The following MGMT variants were observed in gnomAD, a reference collection of about 807,000 sequenced individuals.
The protein encoded by MGMT is methylated-DNA--protein-cysteine methyltransferase.
In MGMT, 14 loss-of-function variants were observed where a neutral mutation model predicts 15.9. That is an observed-to-expected ratio of 0.88 (90% CI 0.58 to 1.37). The LOEUF (loss-of-function observed/expected upper bound fraction) is 1.37. Among genes scored for constraint, MGMT ranks in the 40% most tolerant of loss-of-function variants. MGMT has a pLI of 0.00. For synonymous variants in MGMT, 130 were observed against 118.2 expected, an observed-to-expected ratio of 1.10 and a Z score of -0.65; for missense variants, 282 against 268.1, an observed-to-expected ratio of 1.05 and a Z score of -0.36.
At chr10:129,470,305 A>G (rs865937776) in intron 1 of MGMT, among the ~76,000 whole-genome samples, 2 of 152,116 alleles carry the variant, frequency 1.3e-5, no homozygotes, top group African/African-American at 2.4e-5. Context: ...TTGTGGACCA[A>G]ATGTTGCAAG....
At chr10:129,689,610 C>A (rs1311912898) in intron 2 of MGMT, among the ~76,000 whole-genome samples, 3 of 152,208 alleles carry the variant, frequency 2.0e-5, no homozygotes, top group Non-Finnish European at 4.4e-5. Flanking sequence ...CACACCCTTT[C>A]TCTGTAGTCT....
At chr10:129,739,712 A>G (rs1231182255) in intron 3 of MGMT, among the ~76,000 whole-genome samples, 2 of 152,240 alleles carry the variant, frequency 1.3e-5, no homozygotes, top group Non-Finnish European at 2.9e-5. Flanking sequence ...CCTGCAGCCC[A>G]GGATAGCTTT....
intron 2 of MGMT, among the ~76,000 whole-genome samples, chr10:129,661,489 A>G (rs1415928229): frequency 6.6e-6 from 1 of 152,118 alleles, no homozygotes; most frequent in Non-Finnish European, 1.5e-5. Flanking sequence ...TTTGACAACT[A>G]TTGATGTTGT....
intron 2 of MGMT, among the ~76,000 whole-genome samples, chr10:129,549,915 G>A (rs1052741788): frequency 6.6e-6 from 1 of 152,120 alleles, no homozygotes; most frequent in South Asian, 2.1e-4. Context: ...AGGAGCAGAG[G>A]TATAAATTAC....
chr10:129,644,111 C>T (rs1472054855), intron 2 of MGMT, among the ~76,000 whole-genome samples: 1 of 152,194 alleles, frequency 6.6e-6, no homozygotes, highest in Non-Finnish European at 1.5e-5. Context: ...TCCTAGCAGA[C>T]ATCATTATAT....
At chr10:129,615,848 A>G (rs180807586) in intron 2 of MGMT, among the ~76,000 whole-genome samples, 2 of 152,100 alleles carry the variant, frequency 1.3e-5, no homozygotes, top group African/African-American at 4.8e-5. Flanking sequence ...GTCCAGGTAT[A>G]AGAAGAGCTG....
At chr10:129,762,859 G>A (rs899331834) in intron 4 of MGMT, among the ~76,000 whole-genome samples, 1 of 151,908 alleles carries the variant, frequency 6.6e-6, no homozygotes, top group Non-Finnish European at 1.5e-5. Flanking sequence ...CATTTGACCA[G>A]AAGAAAAAAA....
In MGMT at chr10:129,770,398, C is replaced by G. The variant is rs1848987407; in HGVS notation, c.*3401C>G. On this transcript the variant is annotated 3_prime_UTR_variant, in exon 5 of 5. Transcript: ENST00000651593. The stretch of plus-strand genomic sequence containing the variant: ...TCGCAGCAATGTGAGGCATCCTCCT[C>G]ACAGAAATGCATTTACGGATGTTGC... Among the ~76,000 whole-genome samples the G allele has an allele frequency of 6.6e-6, 1 of 152,214 alleles. No individual in the cohort carries two copies. The highest frequency in any genetic ancestry group is 1.5e-5 in the Non-Finnish European group (1 of 68,044).
chr10:129,693,302 C>T (rs1847991163), intron 2 of MGMT, among the ~76,000 whole-genome samples: 1 of 152,184 alleles, frequency 6.6e-6, no homozygotes, highest in East Asian at 1.9e-4. Context: ...AAGGTCAATG[C>T]CACTTCTGTA....
intron 1 of MGMT, among the ~76,000 whole-genome samples, chr10:129,510,950 A>G (rs1845675411): frequency 6.7e-6 from 1 of 150,050 alleles, no homozygotes; most frequent in African/African-American, 2.5e-5. Context: ...CTGGTATACC[A>G]GATGCAGCCA....
rs1236047152 is a variant in MGMT at position 129,503,312 on chromosome 10, C to T, written c.-12-32929C>T. 2.0e-5 allele frequency among the ~76,000 whole-genome samples: 3 copies of T among 152,248 alleles called. No homozygotes were observed. In the South Asian group the frequency reaches 6.2e-4, roughly 32 times the overall value. On this transcript the variant is annotated intron_variant, in intron 1 of 4. Coordinates refer to ENST00000651593, the MANE Select transcript of MGMT (RefSeq NM_002412.5). ...TCCCGAGATAAAGCTGCTGCTTTATCGAAAATGCCAGCAACTGTGATTTAG... is the reference window on the plus strand; with the variant it reads ...TCCCGAGATAAAGCTGCTGCTTTATTGAAAATGCCAGCAACTGTGATTTAG...
intron 4 of MGMT, among the ~76,000 whole-genome samples, chr10:129,760,118 G>A (rs1032781048): frequency 6.6e-6 from 1 of 152,236 alleles, no homozygotes; most frequent in Non-Finnish European, 1.5e-5. Context: ...GTGCCTGGGG[G>A]CCACGTGGGT....
At chr10:129,653,345 CA>C (rs774325782) in intron 2 of MGMT, among the ~76,000 whole-genome samples, 9 of 152,198 alleles carry the variant, frequency 5.9e-5, no homozygotes, top group Non-Finnish European at 1.3e-4. Flanking sequence ...GATCATTTTC[CA>C]CCCCCTCAGG....
chr10:129,567,418 C>T (rs1447096896), intron 2 of MGMT, among the ~76,000 whole-genome samples: 2 of 152,056 alleles, frequency 1.3e-5, no homozygotes, highest in Non-Finnish European at 2.9e-5. Flanking sequence ...CTGTGGGTAG[C>T]GTAGCAAGTG....
chr10:129,571,073 G>C (rs1394923688), intron 2 of MGMT, among the ~76,000 whole-genome samples: 2 of 152,186 alleles, frequency 1.3e-5, no homozygotes, highest in Non-Finnish European at 2.9e-5. Flanking sequence ...AGAAATCAGG[G>C]CCTGTTGTTA....
chr10:129,648,729 A>G (rs1359498471), intron 2 of MGMT, among the ~76,000 whole-genome samples: 1 of 152,110 alleles, frequency 6.6e-6, no homozygotes, highest in East Asian at 1.9e-4. Context: ...TGTATTTTGA[A>G]TGATTTGGAA....
In MGMT at chr10:129,566,154, C is replaced by T. The variant is rs544566762; in HGVS notation, c.125+29777C>T. ...GCTAGAGCAGGGTTCCCAGTGCCCC[C>T]AGGCTCTACTTTGCTCTGCCTGGTC... On this transcript the variant is annotated intron_variant, in intron 2 of 4. Transcript: ENST00000651593. This position sits in a 1 kb window ranked among gnomAD's most constrained non-coding sequence, Gnocchi z 4.1. Among the ~76,000 whole-genome samples the T allele has an allele frequency of 2.0e-5, 3 of 152,218 alleles. No individual in the cohort carries two copies. Among genetic ancestry groups the T allele is most frequent in the African/African-American group, 7.2e-5 (3 of 41,462 alleles).
intron 2 of MGMT, among the ~76,000 whole-genome samples, chr10:129,615,126 A>G (rs1387910992): frequency 2.0e-5 from 3 of 152,218 alleles, no homozygotes; most frequent in Non-Finnish European, 2.9e-5. Context: ...TACATTTTCC[A>G]TCATATGGAG....
intron 3 of MGMT, among the ~76,000 whole-genome samples, chr10:129,749,134 G>T (rs1048734337): frequency 6.6e-6 from 1 of 152,112 alleles, no homozygotes; most frequent in African/African-American, 2.4e-5. Context: ...TAAATATTTT[G>T]TTGTTGTTAA....
Sources: allele counts gnomAD v4.1 joint callset (sites outside exome capture counted in the v4.1 genomes callset), GRCh38; gene constraint gnomAD v4.1.1; non-coding constraint Gnocchi (gnomAD v3.1); transcripts MANE v1.5; gene names NCBI Gene and HGNC (gene_info 2026-07-23, HGNC 2026-07-21).